ZNF512: variants seen among roughly 807,000 people sequenced by gnomAD.
ZNF512 encodes zinc finger protein 512.
ZNF512 carries 25 observed loss-of-function variants against 77.5 expected under a neutral mutation model. The observed-to-expected ratio is 0.32, with a 90% CI of 0.23 to 0.45. The LOEUF (loss-of-function observed/expected upper bound fraction) is 0.45, where lower values mean the gene tolerates loss of function less well. ZNF512 is among the 20% of genes least tolerant of loss of function. The pLI, the probability that ZNF512 is intolerant of heterozygous loss-of-function variation, is 1.00. For synonymous variants in ZNF512, 246 were observed against 239.9 expected (o/e 1.03, Z -0.24); for missense variants, 483 against 692.6 (o/e 0.70, Z 3.40).
At chr2:27,618,475 C>G (rs1160503992) in intron 13 of ZNF512, among the ~76,000 whole-genome samples, 1 of 152,106 alleles carries the variant, frequency 6.6e-6, no homozygotes, top group Admixed American at 6.5e-5. Flanking sequence ...TTAACATTCC[C>G]AAAGGTGATA....
intron 13 of ZNF512, among the ~76,000 whole-genome samples, chr2:27,620,937 C>T (rs1463058376): frequency 1.3e-5 from 2 of 152,108 alleles, no homozygotes; most frequent in African/African-American, 4.8e-5. Context: ...TTATTAAAGT[C>T]CCTAGAATTA....
chr2:27,599,749 A>C (rs780963215), intron 4 of ZNF512, 71 bp downstream of exon 4: 20 of 1,451,918 alleles, frequency 1.4e-5, no homozygotes, highest in Non-Finnish European at 1.9e-5. Flanking sequence ...TAAAGGAAAG[A>C]GAAGCCTTAG....
intron 11 of ZNF512, 138 bp downstream of exon 11, chr2:27,615,407 A>T (rs1483329084): frequency 2.0e-5 from 11 of 551,034 alleles, no homozygotes; most frequent in Non-Finnish European, 3.1e-5. Flanking sequence ...AATTCCATAG[A>T]GCAATAATTC....
intron 10 of ZNF512, among the ~76,000 whole-genome samples, chr2:27,613,201 T>TA (rs776100234): frequency 6.6e-6 from 1 of 152,086 alleles, no homozygotes; most frequent in Non-Finnish European, 1.5e-5. Flanking sequence ...TTATTTCACT[T>TA]AATAATATAG....
chr2:27,605,467 G>T (rs1001566951), intron 9 of ZNF512, among the ~76,000 whole-genome samples: 2 of 151,604 alleles, frequency 1.3e-5, no homozygotes, highest in Non-Finnish European at 2.9e-5. Context: ...AACAAAAAAT[G>T]AAAAGATTGT....
chr2:27,605,317 G>C (rs542708009), intron 9 of ZNF512, among the ~76,000 whole-genome samples: 1 of 151,984 alleles, frequency 6.6e-6, no homozygotes, highest in African/African-American at 2.4e-5. Context: ...GCTGGGTGTG[G>C]GTGGTGCACG....
At chr2:27,583,344 C>T in intron 1 of ZNF512, 13 of 1,285,758 alleles carry the variant, frequency 1.0e-5, no homozygotes, top group South Asian at 1.5e-5. Flanking sequence ...TAATTCCTCG[C>T]CACATTACCA....
chr2:27,588,855 A>G (rs12478841), intron 2 of ZNF512, among the ~76,000 whole-genome samples: 41,218 of 150,630 alleles, frequency 0.27, 6,320 homozygotes, highest in East Asian at 0.49. Context: ...TGAACATGCT[A>G]TATTTTCCCC....
chr2:27,598,513 C>A (rs922428888), intron 3 of ZNF512, among the ~76,000 whole-genome samples: 2 of 151,738 alleles, frequency 1.3e-5, no homozygotes, highest in African/African-American at 4.8e-5. Flanking sequence ...CCTGTAGTCC[C>A]AGCTACTCAG....
At chr2:27,593,774 C>T (rs1402187625) in intron 2 of ZNF512, among the ~76,000 whole-genome samples, 4 of 145,702 alleles carry the variant, frequency 2.7e-5, no homozygotes, top group Non-Finnish European at 4.5e-5. Context: ...TAGTATCTTT[C>T]TTTCTTTCTT....
At chr2:27,598,326 C>T in intron 3 of ZNF512, 72 bp downstream of exon 3, 1 of 1,486,116 alleles carries the variant, frequency 6.7e-7, no homozygotes, top group Non-Finnish European at 9.2e-7. Context: ...GTTATAAATA[C>T]CTCTTAAAAG....
At chr2:27,613,476 A>T (rs937286795) in intron 10 of ZNF512, among the ~76,000 whole-genome samples, 1 of 151,710 alleles carries the variant, frequency 6.6e-6, no homozygotes, top group Non-Finnish European at 1.5e-5. Context: ...AGCCTGGGCA[A>T]CAGAGCGAGA....
intron 3 of ZNF512, among the ~76,000 whole-genome samples, chr2:27,598,689 A>C (rs1671982687): frequency 6.6e-6 from 1 of 152,156 alleles, no homozygotes; most frequent in African/African-American, 2.4e-5. Flanking sequence ...TGATTTAAAA[A>C]AATTTAAGGT....
intron 13 of ZNF512, among the ~76,000 whole-genome samples, chr2:27,618,930 T>C (rs1673010090): frequency 4.6e-5 from 7 of 152,188 alleles, no homozygotes; most frequent in Admixed American, 4.6e-4. Context: ...CTTTATTTAT[T>C]TTCTGCCCTC....
At chr2:27,599,791 G>C in intron 4 of ZNF512, 113 bp downstream of exon 4, 1 of 1,182,786 alleles carries the variant, frequency 8.5e-7, no homozygotes, top group Non-Finnish European at 1.2e-6. Flanking sequence ...TGAGCCCTTT[G>C]AATTGTTTGG....
At chr2:27,610,560 ATATATATATTTTTTTTTTTTTTTT>A (rs1245143689) in intron 10 of ZNF512, among the ~76,000 whole-genome samples, 3 of 29,372 alleles carry the variant, frequency 1.0e-4, no homozygotes, top group African/African-American at 3.6e-4. Context: ...ATATATATAT[ATATATATATTTTTTTTTTTTTTTT>A]TTTTTTTTTT....
chr2:27,615,629 A>G (rs1672851927), intron 11 of ZNF512, among the ~76,000 whole-genome samples: 1 of 152,176 alleles, frequency 6.6e-6, no homozygotes, highest in African/African-American at 2.4e-5. Context: ...CTTCTCAGGG[A>G]ATATTTTGAG....
At chr2:27,602,725 AT>A (rs2148023492) in intron 8 of ZNF512, among the ~76,000 whole-genome samples, 164 bp downstream of exon 8, 1 of 151,926 alleles carries the variant, frequency 6.6e-6, no homozygotes, top group Admixed American at 6.6e-5. Context: ...ATTTCCAAAA[AT>A]TTATTTTTCT....
At chr2:27,586,048 A>G (rs1463357041) in intron 2 of ZNF512, among the ~76,000 whole-genome samples, 2 of 152,340 alleles carry the variant, frequency 1.3e-5, no homozygotes, top group African/African-American at 2.4e-5. Flanking sequence ...AATTATGATC[A>G]TATGAACTGT....
Sources: gnomAD v4.1 joint callset for allele counts (sites outside exome capture counted in the v4.1 genomes callset) on GRCh38, gnomAD v4.1.1 for gene constraint, MANE v1.5 for transcripts, NCBI Gene and HGNC (gene_info 2026-07-23, HGNC 2026-07-21) for gene names.